BICRAL: variants seen among roughly 807,000 people sequenced by gnomAD.
BICRAL encodes BRD4-interacting chromatin-remodeling complex-associated protein-like.
A neutral mutation model predicts 91.8 loss-of-function variants in BICRAL; 8 were observed. That is an observed-to-expected ratio of 0.09 (90% CI 0.05 to 0.16). BICRAL has a LOEUF of 0.16. BICRAL is among the 10% of genes least tolerant of loss of function. The probability of loss-of-function intolerance (pLI) is 1.00; values close to 1 mark genes in which losing one functional copy is unlikely to be tolerated. For missense variants in BICRAL, 1,038 were observed against 1,310.9 expected, an observed-to-expected ratio of 0.79 and a Z score of 3.21; for synonymous variants, 445 against 491.1, an observed-to-expected ratio of 0.91 and a Z score of 1.24.
chr6:42,830,910 C>CA (rs1238909023), intron 6 of BICRAL, among the ~76,000 whole-genome samples: 2 of 152,258 alleles, frequency 1.3e-5, no homozygotes, highest in African/African-American at 4.8e-5. Flanking sequence ...CACACCCGAC[C>CA]TTTTTTCTTA....
intron 10 of BICRAL, 95 bp from the exon 11 acceptor site, chr6:42,860,167 T>C: frequency 1.4e-6 from 1 of 737,948 alleles, no homozygotes; most frequent in South Asian, 1.6e-5. Context: ...CATGTTTGAA[T>C]AACAGAAGAG....
chr6:42,800,468 A>G (rs1763534052), intron 1 of BICRAL, among the ~76,000 whole-genome samples: 1 of 152,110 alleles, frequency 6.6e-6, no homozygotes, highest in South Asian at 2.1e-4. Context: ...CCGGCCTTAA[A>G]TCATTTTTAA....
At chr6:42,754,174 CTT>C (rs879358224) in intron 1 of BICRAL, among the ~76,000 whole-genome samples, 5 of 142,272 alleles carry the variant, frequency 3.5e-5, no homozygotes, top group Non-Finnish European at 3.1e-5. Context: ...CATACAGAAA[CTT>C]TTTTTTTTTT....
intron 1 of BICRAL, among the ~76,000 whole-genome samples, chr6:42,790,971 G>A (rs2113877555): frequency 6.6e-6 from 1 of 152,124 alleles, no homozygotes; most frequent in East Asian, 1.9e-4. Flanking sequence ...GGAAAGCCCT[G>A]AGGTGGAAAT....
chr6:42,785,315 T>G (rs1763071072), intron 1 of BICRAL, among the ~76,000 whole-genome samples: 1 of 152,138 alleles, frequency 6.6e-6, no homozygotes, highest in African/African-American at 2.4e-5. Flanking sequence ...ATCCCAGCAC[T>G]TTTGAGGCTG....
Position 42,829,072 on chromosome 6 carries a change from T to C in BICRAL, c.739T>C (p.Ser247Pro). 6.2e-7 allele frequency: 1 copy of C among 1,614,158 alleles called. No homozygotes were observed. The highest frequency in any genetic ancestry group is 2.2e-5 in the East Asian group (1 of 44,884). Reference sequence around the variant, plus strand: ...AAAGGGCAGCGGGCAGCAAGCCCCATCAAATGTGAGTGGAGGGCTCCTGGT... The same window carrying C: ...AAAGGGCAGCGGGCAGCAAGCCCCACCAAATGTGAGTGGAGGGCTCCTGGT... ...ILKGSGQQAPSNVSGGLLVHR... is the reference protein window; with the variant it reads ...ILKGSGQQAPPNVSGGLLVHR... Residue 247 changes from serine (S) to proline (P), a missense_variant, in exon 6 of 13, where the codon TCA becomes CCA. By Grantham distance (74) the Ser-to-Pro change is moderately conservative. Coordinates refer to ENST00000314073, the MANE Select transcript of BICRAL (RefSeq NM_001393499.1).
At chr6:42,785,041 G>GT (rs567975933) in intron 1 of BICRAL, among the ~76,000 whole-genome samples, 3 of 152,116 alleles carry the variant, frequency 2.0e-5, no homozygotes, top group Non-Finnish European at 4.4e-5. Flanking sequence ...AGTTTCAGTA[G>GT]TTTTTTGCTC....
chr6:42,828,608 C>T lies in BICRAL; in HGVS notation c.275C>T (p.Ser92Phe). 1 of 1,614,088 alleles carries T rather than the reference C, an allele frequency of 6.2e-7. No individual in the cohort carries two copies. Among genetic ancestry groups the T allele is most frequent in the Non-Finnish European group, 8.5e-7 (1 of 1,180,006 alleles). ...TTTCTTGAAGATGAACTCGAGTCTT[C>T]TCCTCTTCCTGATCTCACTGAGGAC... ...LQFLEDELESSPLPDLTEDQP... is the reference protein window; with the variant it reads ...LQFLEDELESFPLPDLTEDQP... The change falls in exon 6 of 13, where the codon TCT becomes TTT. Residue 92 changes from serine to phenylalanine, a missense_variant. Physicochemically the swap from Ser to Phe is radical, Grantham distance 155 (BLOSUM62 -2). Transcript: ENST00000314073.
intron 2 of BICRAL, among the ~76,000 whole-genome samples, chr6:42,820,779 A>C (rs1436002167): frequency 6.6e-6 from 1 of 152,128 alleles, no homozygotes; most frequent in Admixed American, 6.6e-5. Flanking sequence ...TTCTACTCAC[A>C]GGGTTTGTAA....
upstream of BICRAL, chr6:42,781,970 G>A (rs1762923224): frequency 6.8e-6 from 1 of 146,814 alleles, no homozygotes; most frequent in African/African-American, 2.5e-5. Flanking sequence ...AGCGGAGCGC[G>A]TGTGGCCGGC....
chr6:42,746,486 C>A (rs1762276428), upstream of BICRAL, among the ~76,000 whole-genome samples: 1 of 149,812 alleles, frequency 6.7e-6, no homozygotes, highest in Non-Finnish European at 1.5e-5. Flanking sequence ...AGATCCGCTA[C>A]TAGGGGTGTG....
chr6:42,821,906 G>A, intron 2 of BICRAL, 112 bp from the exon 3 acceptor site: 1 of 617,826 alleles, frequency 1.6e-6, no homozygotes, highest in Non-Finnish European at 2.9e-6. Context: ...AAACTCACGT[G>A]AATTACAGTT....
At chr6:42,827,408 A>G (rs1037130942) in intron 5 of BICRAL, among the ~76,000 whole-genome samples, 2 of 152,236 alleles carry the variant, frequency 1.3e-5, no homozygotes, top group African/African-American at 4.8e-5. Context: ...TAATCACTAC[A>G]TATGATGCCA....
chr6:42,822,539 G>A (rs1437543930), intron 3 of BICRAL, among the ~76,000 whole-genome samples: 1 of 150,658 alleles, frequency 6.6e-6, no homozygotes, highest in African/African-American at 2.4e-5. Flanking sequence ...ATGAGCCACT[G>A]TGCTCAGCAA....
At chr6:42,807,438 C>T (rs1763739399) in intron 1 of BICRAL, among the ~76,000 whole-genome samples, 2 of 152,060 alleles carry the variant, frequency 1.3e-5, no homozygotes, top group South Asian at 4.1e-4. Flanking sequence ...CCGTCTCAGC[C>T]TCCCAAAGTG....
chr6:42,843,751 A>G (rs1764883927), intron 6 of BICRAL, among the ~76,000 whole-genome samples: 1 of 151,984 alleles, frequency 6.6e-6, no homozygotes, highest in African/African-American at 2.4e-5. Context: ...GCTGAAGCTG[A>G]ACACTGAAAT....
Position 42,865,483 on chromosome 6 carries a change from C to T in BICRAL, c.*37C>T, listed in dbSNP as rs1765687747. The stretch of plus-strand genomic sequence containing the variant: ...CTCCCCCTACCCCGCCCCGAGACCC[C>T]ACCCCGAGACCCCACCCCGGACCAG... On this transcript the variant is annotated 3_prime_UTR_variant, in exon 13 of 13. Transcript: ENST00000314073. 1 of 1,153,466 alleles carries T rather than the reference C, an allele frequency of 8.7e-7. No homozygotes were observed. The allele number at this position is 1,153,466 out of a possible 1,614,324, so 71.5% of individuals were successfully genotyped here.
At chr6:42,852,997 C>G (rs1030928532) in intron 7 of BICRAL, among the ~76,000 whole-genome samples, 1 of 145,384 alleles carries the variant, frequency 6.9e-6, no homozygotes, top group African/African-American at 2.5e-5. Context: ...CCTGGGAGGT[C>G]GAGGCTGCAG....
At chr6:42,843,923 T>C (rs1185383208) in intron 6 of BICRAL, among the ~76,000 whole-genome samples, 1 of 150,486 alleles carries the variant, frequency 6.6e-6, no homozygotes, top group Admixed American at 6.6e-5. Context: ...CTCAGCCTCC[T>C]GAGTAGCTGG....
Sources: gnomAD v4.1 joint callset for allele counts (sites outside exome capture counted in the v4.1 genomes callset) on GRCh38, gnomAD v4.1.1 for gene constraint, MANE v1.5 for transcripts, NCBI Gene and HGNC (gene_info 2026-07-23, HGNC 2026-07-21) for gene names.